The following EXT2 variants were observed in gnomAD, a reference collection of about 807,000 sequenced individuals.
The protein encoded by EXT2 is exostosin glycosyltransferase 2, also known as exostosin-2.
A neutral mutation model predicts 81.6 loss-of-function variants in EXT2; 53 were observed. That is an observed-to-expected ratio of 0.65 (90% CI 0.52 to 0.82). The LOEUF is 0.82. Ranked by LOEUF, EXT2 falls within the 40% of genes least tolerant of loss-of-function variation. The probability of loss-of-function intolerance (pLI) is 0.00; values close to 1 mark genes in which losing one functional copy is unlikely to be tolerated. For missense variants in EXT2, 774 were observed against 910.2 expected, an observed-to-expected ratio of 0.85 and a Z score of 1.93; for synonymous variants, 320 against 340.0, an observed-to-expected ratio of 0.94 and a Z score of 0.65.
intron 7 of EXT2, among the ~76,000 whole-genome samples, chr11:44,157,853 A>G (rs751702647): frequency 1.3e-4 from 20 of 152,180 alleles, no homozygotes; most frequent in Non-Finnish European, 2.6e-4. Context: ...CAGCACAGCC[A>G]TAAGTCTTAC....
intron 10 of EXT2, among the ~76,000 whole-genome samples, chr11:44,223,795 C>T (rs1043354547): frequency 7.9e-5 from 12 of 151,762 alleles, no homozygotes; most frequent in African/African-American, 2.9e-4. Context: ...GGACTATAGG[C>T]ACCCGCCACT....
Position 44,114,218 on chromosome 11 carries a change from G to C in EXT2, c.660G>C (p.Trp220Cys), listed in dbSNP as rs1366838906. ...TGGCTGGTGGCGGCTTTTCTACGTG[G>C]ACTTACCGGCAAGGCTACGATGTCA... ...ALLAGGGFST[W>C]TYRQGYDVSI... The change falls in exon 4 of 14, where the codon TGG becomes TGC. Residue 220 changes from tryptophan to cysteine, a missense_variant. Transcript: ENST00000533608. 1.2e-6 allele frequency: 2 copies of C among 1,614,048 alleles called. No individual in the cohort carries two copies. Among genetic ancestry groups the C allele is most frequent in the Middle Eastern group, 3.3e-4 (2 of 6,060 alleles).
In EXT2 at chr11:44,208,832, TC is replaced by T. The variant is rs139471076; in HGVS notation, c.1662+1874del. On this transcript the variant is annotated intron_variant, in intron 10 of 13. Transcript: ENST00000533608. Reference sequence around the variant, plus strand: ...GAATTGGGATTTAAATCCGAATTTTTCTGACACTGTGCTGCCTTCCCTGAGG... The same window carrying T: ...GAATTGGGATTTAAATCCGAATTTTTTGACACTGTGCTGCCTTCCCTGAGG... 4.4e-3 allele frequency among the ~76,000 whole-genome samples: 674 copies of T among 152,360 alleles called. 8 individuals carry two copies. The highest frequency in any genetic ancestry group is 0.016 in the African/African-American group (657 of 41,590).
chr11:44,244,096 C>T, intron 13 of EXT2, 53 bp from the exon 14 acceptor site: 1 of 1,535,366 alleles, frequency 6.5e-7, no homozygotes, highest in East Asian at 2.2e-5. Context: ...CTGCCCCCAT[C>T]CTTCTCATTC....
chr11:44,225,462 G>C (rs939081479), intron 10 of EXT2, among the ~76,000 whole-genome samples: 1 of 152,182 alleles, frequency 6.6e-6, no homozygotes, highest in Non-Finnish European at 1.5e-5. Context: ...AGACTGATGG[G>C]AGCAAAGGGT....
Position 44,197,895 on chromosome 11 carries a change from G to A in EXT2, c.1372G>A (p.Ala458Thr), listed in dbSNP as rs146086025. 2.5e-5 allele frequency: 40 copies of A among 1,613,948 alleles called. No individual in the cohort carries two copies. In the East Asian group the frequency reaches 3.3e-4, roughly 13 times the overall value. ...CCCACCACAGTCTCAAGGGTTCACC[G>A]CCATAGTCCTCACCTACGACCGAGT... ...LIPPQSQGFTAIVLTYDRVES... is the reference protein window; with the variant it reads ...LIPPQSQGFTTIVLTYDRVES... The change falls in exon 9 of 14, where the codon GCC (alanine) becomes ACC (threonine). Residue 458 changes from alanine (A) to threonine (T), a missense_variant. Physicochemically the swap from Ala to Thr is moderately conservative, Grantham distance 58 (BLOSUM62 0). Around this residue, in one of 2 missense-constraint regions of EXT2, gnomAD observed 626 missense variants for 670.5 expected, o/e 0.93. Coordinates refer to ENST00000533608, the MANE Select transcript of EXT2 (RefSeq NM_207122.2).
chr11:44,224,324 G>A (rs2135243346), intron 10 of EXT2, among the ~76,000 whole-genome samples: 1 of 152,048 alleles, frequency 6.6e-6, no homozygotes, highest in African/African-American at 2.4e-5. Flanking sequence ...TTTAAAACTA[G>A]ATGGAGTATA....
At chr11:44,103,552 G>A (rs545039824) in intron 1 of EXT2, 7 of 364,634 alleles carry the variant, frequency 1.9e-5, no homozygotes, top group South Asian at 1.5e-4. Flanking sequence ...GCTTTGAAGT[G>A]TTTCCTCTTT....
chr11:44,163,224 C>G lies in EXT2; in HGVS notation c.1174-8387C>G, dbSNP rs569168349. On this transcript the variant is annotated intron_variant, in intron 7 of 13. Coordinates refer to ENST00000533608, the MANE Select transcript of EXT2 (RefSeq NM_207122.2). ...GAATTTTAAGTTAGTTGTCAGGTAA[C>G]TCTTATATTTATGAAAATGGAGTAT... Among the ~76,000 whole-genome samples the G allele has an allele frequency of 2.6e-5, 4 of 152,212 alleles. No homozygotes were observed. The East Asian group carries it at 7.7e-4, about 29-fold the overall frequency.
chr11:44,115,097 C>T (rs1025725294), intron 4 of EXT2, among the ~76,000 whole-genome samples: 8 of 152,228 alleles, frequency 5.3e-5, no homozygotes, highest in African/African-American at 1.9e-4. Context: ...GCCTGCACGT[C>T]TCTTAGAGTG....
intron 1 of EXT2, among the ~76,000 whole-genome samples, chr11:44,098,893 A>G (rs1359876800): frequency 1.3e-5 from 2 of 152,194 alleles, no homozygotes; most frequent in Non-Finnish European, 2.9e-5. Flanking sequence ...AGGCCGTCAC[A>G]TATAATAACT....
At position 44,124,920 on chromosome 11, in the gene EXT2, G is replaced by T; in HGVS notation, c.875G>T (p.Gly292Val). 6.2e-7 allele frequency: 1 copy of T among 1,613,996 alleles called. No individual in the cohort carries two copies. The highest frequency in any genetic ancestry group is 1.3e-5 in the African/African-American group (1 of 75,012). Residue 292 changes from glycine (G) to valine (V), a missense_variant, in exon 5 of 14, where the codon GGT becomes GTT. Physicochemically the swap from Gly to Val is moderately radical, Grantham distance 109 (BLOSUM62 -3). Transcript: ENST00000533608. ...VLDKCTNLSE[G>V]VLSVRKRCHK... ...GATAAATGCACCAACCTCTCAGAGG[G>T]TGTCCTTTCTGTCCGTAAGCGCTGC...
chr11:44,106,333 C>T (rs762625425), intron 1 of EXT2, among the ~76,000 whole-genome samples: 2 of 152,086 alleles, frequency 1.3e-5, no homozygotes, highest in Admixed American at 6.6e-5. Context: ...TCCTCCCTCC[C>T]TTTGTCTCTC....
chr11:44,170,810 TCACACACACACACACACACACA>T (rs58131996), intron 7 of EXT2, among the ~76,000 whole-genome samples: 2 of 145,550 alleles, frequency 1.4e-5, no homozygotes, highest in African/African-American at 2.6e-5. Context: ...ACGTTCACAT[TCACACACACACACACACACACA>T]CACACACACA....
intron 10 of EXT2, among the ~76,000 whole-genome samples, chr11:44,208,097 A>G (rs984584383): frequency 6.6e-6 from 1 of 152,166 alleles, no homozygotes; most frequent in Non-Finnish European, 1.5e-5. Flanking sequence ...CTTTTACAGC[A>G]CAGTGTCTAG....
intron 1 of EXT2, among the ~76,000 whole-genome samples, chr11:44,099,345 C>G (rs1469873836): frequency 6.6e-6 from 1 of 152,200 alleles, no homozygotes; most frequent in Non-Finnish European, 1.5e-5. Flanking sequence ...ACCACCATGC[C>G]TGGCTAATTT....
chr11:44,148,014 C>T (rs188058355), intron 7 of EXT2, among the ~76,000 whole-genome samples: 13 of 152,206 alleles, frequency 8.5e-5, no homozygotes, highest in Admixed American at 3.3e-4. Flanking sequence ...GGACGGCCAG[C>T]AGTCATGTGC....
At chr11:44,176,267 A>G (rs1955156898) in intron 8 of EXT2, among the ~76,000 whole-genome samples, 5 of 152,176 alleles carry the variant, frequency 3.3e-5, no homozygotes, top group Admixed American at 3.3e-4. Flanking sequence ...GTTTAATAAG[A>G]ATAAAGGGTT....
Position 44,244,280 on chromosome 11 carries a change from G to T in EXT2, c.2150G>T (p.Ser717Ile), listed in dbSNP as rs1367046605. 6.2e-7 allele frequency: 1 copy of T among 1,614,060 alleles called. No homozygotes were observed. Among genetic ancestry groups the T allele is most frequent in the South Asian group, 1.1e-5 (1 of 91,068 alleles). ...EKLKSFPNIG[S>I]L Reference sequence around the variant, plus strand: ...CTGAAGAGCTTCCCCAACATTGGCAGCTTATGAAACGTGTCATTGGTGGAG... The same window carrying T: ...CTGAAGAGCTTCCCCAACATTGGCATCTTATGAAACGTGTCATTGGTGGAG... The change falls in exon 14 of 14, where the codon AGC (serine) becomes ATC (isoleucine). Residue 717 changes from serine (S) to isoleucine (I), a missense_variant. This residue lies in a region of EXT2 where 148 missense variants were observed against 239.7 expected (regional missense o/e 0.62). Transcript: ENST00000533608.
Sources: allele counts gnomAD v4.1 joint callset (sites outside exome capture counted in the v4.1 genomes callset), GRCh38; gene constraint gnomAD v4.1.1; regional missense constraint gnomAD v4.1.1; transcripts MANE v1.5; gene names NCBI Gene and HGNC (gene_info 2026-07-23, HGNC 2026-07-21).